VCF1: variants seen among roughly 807,000 people sequenced by gnomAD.
VCF1 encodes the protein protein VCF1.
chr17:73,217,896 C>T, the VCF1 span, among the ~76,000 whole-genome samples: 9 of 149,984 alleles, frequency 6.0e-5, no homozygotes, highest in African/African-American at 2.2e-4. Flanking sequence ...TGCTTGAACC[C>T]AGGAGGCAGA....
chr17:73,224,382 T>C, the VCF1 span, among the ~76,000 whole-genome samples: 5 of 151,140 alleles, frequency 3.3e-5, no homozygotes, highest in East Asian at 2.0e-4. Context: ...GAGGTAGAGG[T>C]TGCAGTGAGC....
At chr17:73,222,503 C>T in the VCF1 span, among the ~76,000 whole-genome samples, 1 of 152,052 alleles carries the variant, frequency 6.6e-6, no homozygotes, top group Admixed American at 6.5e-5. Context: ...TAGGGCTGGG[C>T]GCGGTGGCTC....
the VCF1 span, among the ~76,000 whole-genome samples, chr17:73,225,369 T>C: frequency 6.6e-6 from 1 of 151,656 alleles, no homozygotes; most frequent in East Asian, 1.9e-4. Flanking sequence ...AATAAATAAA[T>C]AAAATTTAAA....
chr17:73,224,263 C>CAAAAAAAAAA, the VCF1 span, among the ~76,000 whole-genome samples: 2 of 103,922 alleles, frequency 1.9e-5, no homozygotes, highest in African/African-American at 7.6e-5. Flanking sequence ...GTCGTCTCTC[C>CAAAAAAAAAA]AAAAAAAAAA....
the VCF1 span, among the ~76,000 whole-genome samples, chr17:73,222,312 A>G: frequency 2.0e-5 from 3 of 152,036 alleles, no homozygotes; most frequent in Non-Finnish European, 4.4e-5. Context: ...TCTTCAATTC[A>G]AGCACTAATC....
At chr17:73,214,198 C>G in the VCF1 span, among the ~76,000 whole-genome samples, 2 of 151,908 alleles carry the variant, frequency 1.3e-5, no homozygotes, top group African/African-American at 4.8e-5. Flanking sequence ...TCTGACAATT[C>G]AGACCAGTTT....
the VCF1 span, among the ~76,000 whole-genome samples, chr17:73,224,263 C>CAAAAAAAA: frequency 1.9e-5 from 2 of 103,920 alleles, no homozygotes; most frequent in African/African-American, 7.6e-5. Flanking sequence ...GTCGTCTCTC[C>CAAAAAAAA]AAAAAAAAAA....
the VCF1 span, among the ~76,000 whole-genome samples, chr17:73,213,983 A>AG: frequency 6.6e-6 from 1 of 152,182 alleles, no homozygotes; most frequent in African/African-American, 2.4e-5. Flanking sequence ...AGAAAAAAAA[A>AG]GAATGCTACT....
the VCF1 span, chr17:73,229,547 C>A: frequency 1.0e-6 from 1 of 985,340 alleles, no homozygotes; most frequent in African/African-American, 1.7e-5. Context: ...CCTGTCATCT[C>A]CTAGAGACTC....
At chr17:73,218,969 G>A in the VCF1 span, among the ~76,000 whole-genome samples, 11 of 151,900 alleles carry the variant, frequency 7.2e-5, no homozygotes, top group East Asian at 7.8e-4. Context: ...GCAGTGAGCC[G>A]AGGTCATGCC....
At chr17:73,211,770 GA>G in the VCF1 span, among the ~76,000 whole-genome samples, 1 of 150,290 alleles carries the variant, frequency 6.7e-6, no homozygotes, top group African/African-American at 2.5e-5. Flanking sequence ...TGAGGCAAGA[GA>G]ATCGCTTGAA....
chr17:73,227,491 C>G, the VCF1 span: 1 of 661,194 alleles, frequency 1.5e-6, no homozygotes, highest in South Asian at 6.2e-5. Flanking sequence ...TAGTAAAACT[C>G]ATTTCTAAAA....
the VCF1 span, among the ~76,000 whole-genome samples, chr17:73,211,757 G>A: frequency 2.0e-5 from 3 of 152,018 alleles, no homozygotes; most frequent in East Asian, 1.9e-4. Flanking sequence ...CTACTAGGGA[G>A]GCTGAGGCAA....
the VCF1 span, chr17:73,209,664 G>C: frequency 6.4e-7 from 1 of 1,552,136 alleles, no homozygotes; most frequent in Non-Finnish European, 8.7e-7. Context: ...GGCTGGATCC[G>C]GCCATGGTCT....
chr17:73,230,616 C>A, the VCF1 span, among the ~76,000 whole-genome samples: 1 of 152,106 alleles, frequency 6.6e-6, no homozygotes, highest in Non-Finnish European at 1.5e-5. Context: ...AGAGTGATCT[C>A]CAACTCCTGA....
the VCF1 span, chr17:73,232,363 G>T: frequency 2.7e-6 from 4 of 1,466,166 alleles, no homozygotes; most frequent in East Asian, 2.5e-5. Context: ...CATCCCAACC[G>T]CACCGACTGG....
chr17:73,212,381 A>G, the VCF1 span, among the ~76,000 whole-genome samples: 1 of 152,214 alleles, frequency 6.6e-6, no homozygotes, highest in Non-Finnish European at 1.5e-5. Context: ...AGCTATGGTC[A>G]CATACCCCAA....
the VCF1 span, among the ~76,000 whole-genome samples, chr17:73,225,882 A>ATATATAT: frequency 4.0e-5 from 3 of 74,700 alleles, no homozygotes; most frequent in African/African-American, 1.7e-4. Flanking sequence ...ATATATATAT[A>ATATATAT]ATATATATAT....
chr17:73,209,790 C>T, the VCF1 span: 1 of 1,538,140 alleles, frequency 6.5e-7, no homozygotes, highest in East Asian at 2.4e-5. Flanking sequence ...AAGAAAGAAA[C>T]AGGGTCACAA....
Sources: allele counts gnomAD v4.1 joint callset (sites outside exome capture counted in the v4.1 genomes callset), GRCh38; gene constraint gnomAD v4.1.1; transcripts MANE v1.5; gene names NCBI Gene and HGNC (gene_info 2026-07-23, HGNC 2026-07-21).